The following LINGO2 variants were observed in gnomAD, a reference collection of about 807,000 sequenced individuals.
The protein encoded by LINGO2 is leucine rich repeat and Ig domain containing 2, also known as leucine-rich repeat and immunoglobulin-like domain-containing nogo receptor-interacting protein 2.
LINGO2 carries 14 observed loss-of-function variants against 30.6 expected under a neutral mutation model. The ratio of observed to expected loss-of-function variants is 0.46; its 90% CI spans 0.30 to 0.72. The LOEUF (loss-of-function observed/expected upper bound fraction) is 0.72. LINGO2 is among the 30% of genes least tolerant of loss of function. The pLI is 0.07. For synonymous variants in LINGO2, 317 were observed against 288.5 expected, an observed-to-expected ratio of 1.10 and a Z score of -1.00; for missense variants, 729 against 751.7, an observed-to-expected ratio of 0.97 and a Z score of 0.35.
At chr9:28,152,350 A>G (rs1217915379) in intron 4 of LINGO2, among the ~76,000 whole-genome samples, 1 of 152,146 alleles carries the variant, frequency 6.6e-6, no homozygotes, top group Admixed American at 6.5e-5. Context: ...ACCTCTGCAC[A>G]CATTGGCTCC....
intron 2 of LINGO2, among the ~76,000 whole-genome samples, chr9:28,434,484 C>G (rs1430642432): frequency 6.7e-6 from 1 of 149,692 alleles, no homozygotes; most frequent in Non-Finnish European, 1.5e-5. Flanking sequence ...TTCTCTATAA[C>G]TATCTATCTT....
chr9:28,537,068 G>T (rs1034184649), intron 1 of LINGO2, among the ~76,000 whole-genome samples: 2 of 152,026 alleles, frequency 1.3e-5, no homozygotes, highest in Admixed American at 1.3e-4. Context: ...ACCATGTGAA[G>T]TTTAAACAGG....
chr9:27,950,068 T>C, exon 6 of LINGO2: 1 of 1,614,132 alleles, frequency 6.2e-7, no homozygotes, highest in Non-Finnish European at 8.5e-7. Context: ...CTGATGAGGC[T>C]GCGGAGGTGG....
chr9:27,960,555 G>A lies in LINGO2; in HGVS notation c.-35-9849C>T, dbSNP rs559860107. 4.0e-5 allele frequency among the ~76,000 whole-genome samples: 6 copies of A among 151,044 alleles called. 1 individual carries two copies. Among genetic ancestry groups the A allele is most frequent in the South Asian group, 2.1e-4 (1 of 4,766 alleles). On this transcript the variant is annotated intron_variant, in intron 5 of 5. Transcript: ENST00000379992. ...CCATCTGTAACACACAAAATGTGGC[G>A]TGACATTTTAAATGATTAAAACAGC...
In LINGO2 at chr9:28,028,914, T is replaced by C. The variant is rs530888033; in HGVS notation, c.-86-16509A>G. Reference sequence around the variant, plus strand: ...ATCCAAATTTTACCTCTTCTGAGCCTATGGAACCAATTTAATCTTGGTACA... The same window carrying C: ...ATCCAAATTTTACCTCTTCTGAGCCCATGGAACCAATTTAATCTTGGTACA... On this transcript the variant is annotated intron_variant, in intron 4 of 5. Coordinates refer to ENST00000379992, the Ensembl canonical transcript of LINGO2. 7.2e-5 allele frequency among the ~76,000 whole-genome samples: 11 copies of C among 152,228 alleles called. 1 individual carries two copies. The East Asian group carries it at 1.5e-3, about 21-fold the overall frequency.
intron 4 of LINGO2, among the ~76,000 whole-genome samples, chr9:28,035,264 T>C (rs1225400601): frequency 1.3e-5 from 2 of 152,242 alleles, no homozygotes; most frequent in Admixed American, 6.5e-5. Flanking sequence ...GGGATTTGTA[T>C]AGGCAAAATA....
chr9:28,796,778 T>C, the LINGO2 span, among the ~76,000 whole-genome samples: 1 of 151,956 alleles, frequency 6.6e-6, no homozygotes, highest in Non-Finnish European at 1.5e-5. Flanking sequence ...ATTCCCACAG[T>C]ATTAACTCCA....
chr9:28,691,609 C>T, the LINGO2 span, among the ~76,000 whole-genome samples: 2 of 152,136 alleles, frequency 1.3e-5, no homozygotes, highest in East Asian at 1.9e-4. Context: ...AAAAGCAGTA[C>T]ATCTACATAT....
intron 4 of LINGO2, among the ~76,000 whole-genome samples, chr9:28,233,957 G>A (rs1025742681): frequency 2.6e-4 from 39 of 152,168 alleles, no homozygotes; most frequent in Non-Finnish European, 5.1e-4. Flanking sequence ...TAAGCCATTG[G>A]CCTTGGGCTT....
chr9:28,229,136 A>G (rs1346548824), intron 4 of LINGO2, among the ~76,000 whole-genome samples: 2 of 151,844 alleles, frequency 1.3e-5, no homozygotes, highest in Non-Finnish European at 3.0e-5. Context: ...CTGAACTTCT[A>G]AACATAACAT....
At chr9:28,802,191 T>TA in the LINGO2 span, among the ~76,000 whole-genome samples, 1 of 152,118 alleles carries the variant, frequency 6.6e-6, no homozygotes, top group East Asian at 1.9e-4. Context: ...CAATGGCATA[T>TA]TTCCAACAAT....
At chr9:29,127,890 C>T in the LINGO2 span, among the ~76,000 whole-genome samples, 1,354 of 152,164 alleles carry the variant, frequency 8.9e-3, 27 homozygotes, top group African/African-American at 0.031. Context: ...GCTAAATTAT[C>T]CTATAGAGTT....
chr9:29,028,918 A>G, the LINGO2 span, among the ~76,000 whole-genome samples: 1 of 152,208 alleles, frequency 6.6e-6, no homozygotes. Flanking sequence ...TCTAGTAATC[A>G]TAAACATTTA....
the LINGO2 span, among the ~76,000 whole-genome samples, chr9:28,912,804 T>G: frequency 6.6e-6 from 1 of 152,180 alleles, no homozygotes; most frequent in Non-Finnish European, 1.5e-5. Context: ...AATCAAATCA[T>G]CTCAACTATT....
chr9:28,873,690 A>T, the LINGO2 span, among the ~76,000 whole-genome samples: 50 of 152,198 alleles, frequency 3.3e-4, no homozygotes, highest in East Asian at 7.7e-3. Flanking sequence ...TTATGAACTC[A>T]TATAATTGCA....
rs79086690 is a variant in LINGO2, at chr9:28,663,873, A to G, written c.-365+6327T>C. Among the ~76,000 whole-genome samples, 1,253 of 151,920 alleles carry G rather than the reference A, an allele frequency of 8.2e-3. 28 individuals carry two copies. The highest frequency in any genetic ancestry group is 0.036 in the East Asian group (187 of 5,154). On this transcript the variant is annotated intron_variant, in intron 1 of 5. Coordinates refer to ENST00000379992, the Ensembl canonical transcript of LINGO2. ...GGGTTGAGTTGAGATAAACACGAAA[A>G]GTGGACCAATATTCCTGGAAGAATC... is the stretch of plus-strand genomic sequence containing the variant.
intron 1 of LINGO2, among the ~76,000 whole-genome samples, chr9:28,631,246 G>A (rs1826924306): frequency 6.6e-6 from 1 of 151,660 alleles, no homozygotes; most frequent in Non-Finnish European, 1.5e-5. Flanking sequence ...TGCCATGTTG[G>A]TGTGCTGAAC....
the LINGO2 span, among the ~76,000 whole-genome samples, chr9:29,135,255 C>T: frequency 6.6e-6 from 1 of 151,426 alleles, no homozygotes; most frequent in South Asian, 2.1e-4. Flanking sequence ...TTCCTCTCCA[C>T]TGTAAAAAAA....
the LINGO2 span, among the ~76,000 whole-genome samples, chr9:28,766,713 A>T: frequency 6.6e-6 from 1 of 151,892 alleles, no homozygotes; most frequent in Admixed American, 6.6e-5. Context: ...ACACTGTGGT[A>T]TACATAAAGA....
Sources: allele counts gnomAD v4.1 joint callset (sites outside exome capture counted in the v4.1 genomes callset), GRCh38; gene constraint gnomAD v4.1.1; transcripts MANE v1.5; gene names NCBI Gene and HGNC (gene_info 2026-07-23, HGNC 2026-07-21).